Variants in DSCAM observed in about 807,000 individuals in gnomAD.
The protein encoded by DSCAM is cell adhesion molecule DSCAM.
In DSCAM, 47 loss-of-function variants were observed where a neutral mutation model predicts 217.7. The observed-to-expected ratio is 0.22, with a 90% confidence interval of 0.17 to 0.28. The LOEUF (loss-of-function observed/expected upper bound fraction) is 0.28. DSCAM is among the 10% of genes least tolerant of loss of function. The pLI, the probability that DSCAM is intolerant of heterozygous loss-of-function variation, is 1.00. For missense variants in DSCAM, 2,080 were observed against 2,618.3 expected (o/e 0.79, Z 4.49); for synonymous variants, 1,056 against 1,015.3 (o/e 1.04, Z -0.76).
intron 7 of DSCAM, among the ~76,000 whole-genome samples, 167 bp downstream of exon 7, chr21:40,338,952 A>T (rs2297269): frequency 0.064 from 9,810 of 152,276 alleles, 384 homozygotes; most frequent in East Asian, 0.21. Flanking sequence ...CATTTCCAAC[A>T]TTAACCCAGT....
At chr21:40,738,331 A>G (rs1199003702) in intron 1 of DSCAM, among the ~76,000 whole-genome samples, 1 of 152,240 alleles carries the variant, frequency 6.6e-6, no homozygotes, top group Non-Finnish European at 1.5e-5. Context: ...AGTGGGAAAG[A>G]GTTGCATCAG....
intron 11 of DSCAM, among the ~76,000 whole-genome samples, chr21:40,254,511 CT>C (rs2073345905): frequency 6.6e-6 from 1 of 152,176 alleles, no homozygotes; most frequent in Non-Finnish European, 1.5e-5. Context: ...TAGTCATGAG[CT>C]TTTCCAACCA....
intron 19 of DSCAM, 78 bp from the exon 20 acceptor site, chr21:40,124,406 A>T: frequency 6.4e-7 from 1 of 1,566,658 alleles, no homozygotes; most frequent in Non-Finnish European, 8.7e-7. Context: ...ACATGACCCC[A>T]CTCCGCACTT....
At chr21:40,086,173 C>A (rs966087810) in intron 22 of DSCAM, among the ~76,000 whole-genome samples, 2 of 152,194 alleles carry the variant, frequency 1.3e-5, no homozygotes, top group Non-Finnish European at 2.9e-5. Flanking sequence ...ACCTTGGGAT[C>A]ATTTTTAGAT....
At chr21:40,278,820 T>C (rs1463759369) in intron 10 of DSCAM, among the ~76,000 whole-genome samples, 1 of 152,124 alleles carries the variant, frequency 6.6e-6, no homozygotes, top group African/African-American at 2.4e-5. Flanking sequence ...TAGCATATAG[T>C]GATAAATGTT....
At chr21:40,780,421 G>GTA (rs1490666344) in intron 1 of DSCAM, among the ~76,000 whole-genome samples, 5 of 48,040 alleles carry the variant, frequency 1.0e-4, no homozygotes, top group East Asian at 4.6e-4. Flanking sequence ...GTGTGTGTGT[G>GTA]TGTATATATA....
intron 1 of DSCAM, among the ~76,000 whole-genome samples, chr21:40,777,383 C>A (rs954338578): frequency 2.0e-5 from 3 of 152,174 alleles, no homozygotes; most frequent in African/African-American, 7.2e-5. Context: ...TATTCCATAA[C>A]CCTTGCCCAC....
At chr21:40,078,497 A>ACATGGTC (rs1221048450) in intron 26 of DSCAM, among the ~76,000 whole-genome samples, 190 bp downstream of exon 26, 5 of 152,168 alleles carry the variant, frequency 3.3e-5, no homozygotes, top group African/African-American at 1.2e-4. Flanking sequence ...TTCTGGACAC[A>ACATGGTC]CAGTGATGGT....
intron 3 of DSCAM, among the ~76,000 whole-genome samples, chr21:40,492,264 T>C (rs958497061): frequency 6.6e-6 from 1 of 152,202 alleles, no homozygotes; most frequent in African/African-American, 2.4e-5. Context: ...ATTGGCTTGC[T>C]TTCTATTTGA....
intron 1 of DSCAM, among the ~76,000 whole-genome samples, chr21:40,823,525 C>T (rs925697137): frequency 2.6e-5 from 4 of 151,966 alleles, no homozygotes; most frequent in African/African-American, 9.7e-5. Flanking sequence ...AGTTATACTA[C>T]ATAACAAAAA....
chr21:40,130,829 C>T (rs1393921198), intron 19 of DSCAM, among the ~76,000 whole-genome samples: 1 of 152,142 alleles, frequency 6.6e-6, no homozygotes, highest in Non-Finnish European at 1.5e-5. Context: ...ACAATTTTGC[C>T]TTTATTAGGG....
chr21:40,196,044 T>G (rs920788021), intron 11 of DSCAM, among the ~76,000 whole-genome samples: 3 of 152,234 alleles, frequency 2.0e-5, no homozygotes, highest in Non-Finnish European at 4.4e-5. Context: ...AGCGTGGGTC[T>G]CAAAGGTCGA....
At chr21:40,653,888 A>G (rs2090043825) in intron 3 of DSCAM, among the ~76,000 whole-genome samples, 1 of 152,140 alleles carries the variant, frequency 6.6e-6, no homozygotes, top group Non-Finnish European at 1.5e-5. Flanking sequence ...TGAGGTCAGG[A>G]GTTCAAGACC....
At chr21:40,769,026 C>G (rs545711708) in intron 1 of DSCAM, among the ~76,000 whole-genome samples, 7 of 152,158 alleles carry the variant, frequency 4.6e-5, no homozygotes, top group Non-Finnish European at 1.0e-4. Context: ...AATATTAGAA[C>G]TATCTCTAGA....
chr21:40,569,924 G>A (rs2076793329), intron 3 of DSCAM, among the ~76,000 whole-genome samples: 1 of 152,070 alleles, frequency 6.6e-6, no homozygotes, highest in Admixed American at 6.5e-5. Context: ...AAAAAAATTT[G>A]TGGTATGAAC....
At chr21:40,152,308 T>C (rs1324551985) in intron 16 of DSCAM, among the ~76,000 whole-genome samples, 2 of 152,226 alleles carry the variant, frequency 1.3e-5, no homozygotes. Flanking sequence ...TGTTTGCCTC[T>C]TCTCAAATCC....
chr21:40,102,688 C>T (rs2089768078), intron 20 of DSCAM, among the ~76,000 whole-genome samples: 1 of 152,166 alleles, frequency 6.6e-6, no homozygotes, highest in South Asian at 2.1e-4. Flanking sequence ...GCACTTTAAA[C>T]ACTCTTTGGT....
At chr21:40,668,427 C>G (rs959343064) in intron 3 of DSCAM, among the ~76,000 whole-genome samples, 1 of 152,122 alleles carries the variant, frequency 6.6e-6, no homozygotes, top group African/African-American at 2.4e-5. Context: ...GAGCCCAAGC[C>G]CAGACCAATT....
chr21:40,658,769 G>C (rs578085562), intron 3 of DSCAM, among the ~76,000 whole-genome samples: 1 of 152,140 alleles, frequency 6.6e-6, no homozygotes, highest in South Asian at 2.1e-4. Context: ...TATTTACCTA[G>C]AAAAATGAAA....
Sources: allele counts gnomAD v4.1 joint callset (sites outside exome capture counted in the v4.1 genomes callset), GRCh38; gene constraint gnomAD v4.1.1; transcripts MANE v1.5; gene names NCBI Gene and HGNC (gene_info 2026-07-23, HGNC 2026-07-21).